DNAH17: variants seen among roughly 807,000 people sequenced by gnomAD.
DNAH17 encodes the protein axonemal beta dynein heavy chain 17.
DNAH17 carries 376 observed loss-of-function variants against 485.6 expected under a neutral mutation model. The ratio of observed to expected loss-of-function variants is 0.77; its 90% confidence interval spans 0.71 to 0.84. The LOEUF is 0.84. Ranked by LOEUF, DNAH17 falls within the 40% of genes least tolerant of loss-of-function variation. The pLI is 0.00. For synonymous variants in DNAH17, 3,031 were observed against 2,405.9 expected, an observed-to-expected ratio of 1.26 and a Z score of -7.60; for missense variants, 6,370 against 5,839.3, an observed-to-expected ratio of 1.09 and a Z score of -2.96.
Position 78,479,907 on chromosome 17 carries a change from A to G in DNAH17, c.7753-275T>C, listed in dbSNP as rs140264844. On this transcript the variant is annotated intron_variant, in intron 49 of 80. Coordinates refer to ENST00000389840, the MANE Select transcript of DNAH17 (RefSeq NM_173628.4). ...AGTACAGGCCTGGGTTTAAATCCAG[A>G]TCTCTGTGTGTTTAGATAACTTAGA... 5.8e-3 allele frequency among the ~76,000 whole-genome samples: 878 copies of G among 150,896 alleles called. 5 individuals carry two copies. Among genetic ancestry groups the G allele is most frequent in the African/African-American group, 0.02 (827 of 41,336 alleles).
At chr17:78,437,548 C>A in intron 74 of DNAH17, 93 bp downstream of exon 74, 1 of 931,446 alleles carries the variant, frequency 1.1e-6, no homozygotes, top group Non-Finnish European at 1.6e-6. Flanking sequence ...CCCCAGAGTT[C>A]AGAGCGGTCC....
chr17:78,509,123 C>A lies in DNAH17; in HGVS notation c.4236+1261G>T, dbSNP rs1310529134. 3.5e-5 allele frequency among the ~76,000 whole-genome samples: 3 copies of A among 85,734 alleles called. 1 individual carries two copies. Among genetic ancestry groups the A allele is most frequent in the African/African-American group, 1.6e-4 (3 of 18,822 alleles). 56.2% of individuals were successfully genotyped at this position (85,734 alleles called of 152,430 possible). ...CTGGGATTACAGGCATGCGCCACCA[C>A]GCCTGGCTAATTTTTGTATTTTTAG... On this transcript the variant is annotated intron_variant, in intron 27 of 80. Coordinates refer to ENST00000389840, the MANE Select transcript of DNAH17 (RefSeq NM_173628.4).
chr17:78,467,149 C>T (rs2088509381), intron 55 of DNAH17, among the ~76,000 whole-genome samples: 1 of 152,232 alleles, frequency 6.6e-6, no homozygotes, highest in South Asian at 2.1e-4. Flanking sequence ...CTCCCAAGCC[C>T]TTCGGTTCAG....
chr17:78,479,053 T>G lies in DNAH17; in HGVS notation c.7964A>C (p.Asn2655Thr). The G allele has an allele frequency of 6.2e-7, 1 of 1,613,984 alleles. No homozygotes were observed. Among genetic ancestry groups the G allele is most frequent in the South Asian group, 1.1e-5 (1 of 91,074 alleles). ...GAAAATATTGGAGAGGTCCCTGAGG[T>G]TGAAGACATAATGAAACTTAATGGC... ...PTAIKFHYVF[N>T]LRDLSNIFQG... is the part of the protein sequence containing the mutation. Residue 2655 changes from asparagine to threonine, a missense_variant, in exon 51 of 81, where the codon AAC (asparagine) becomes ACC (threonine). Asn to Thr is a moderately conservative substitution (Grantham distance 65). Coordinates refer to ENST00000389840, the MANE Select transcript of DNAH17 (RefSeq NM_173628.4).
intron 54 of DNAH17, 54 bp from the exon 55 acceptor site, chr17:78,468,937 A>G (rs1181040021): frequency 6.4e-7 from 1 of 1,568,586 alleles, no homozygotes; most frequent in Non-Finnish European, 8.6e-7. Context: ...GCTCAATTAG[A>G]GACATCCTCC....
rs73387108 is a variant in DNAH17 at position 78,485,366 on chromosome 17, A to T, written c.7483+184T>A. Among the ~76,000 whole-genome samples, 1,461 of 152,156 alleles carry T rather than the reference A, an allele frequency of 9.6e-3. 24 individuals are homozygous for T. The highest frequency in any genetic ancestry group is 0.033 in the African/African-American group (1,381 of 41,468). On this transcript the variant is annotated intron_variant, in intron 47 of 80. Coordinates refer to ENST00000389840, the MANE Select transcript of DNAH17 (RefSeq NM_173628.4). ...ATGCCCACAAGGGAGCACCAGAAAG[A>T]GGGGTCCCGGCTGCTCCTCCTCTGT...
At chr17:78,428,071 A>C (rs2086540200) in intron 77 of DNAH17, among the ~76,000 whole-genome samples, 1 of 148,332 alleles carries the variant, frequency 6.7e-6, no homozygotes, top group Admixed American at 6.7e-5. Context: ...GAACTCTTCT[A>C]ATCCTTTGAG....
rs547817938 is a variant in DNAH17 at position 78,570,537 on chromosome 17, A to G, written c.919-165T>C. 8.5e-5 allele frequency among the ~76,000 whole-genome samples: 13 copies of G among 152,212 alleles called. No individual in the cohort carries two copies. In the East Asian group the frequency reaches 2.5e-3, roughly 29 times the overall value. On this transcript the variant is annotated intron_variant, in intron 6 of 80. Coordinates refer to ENST00000389840, the MANE Select transcript of DNAH17 (RefSeq NM_173628.4). ...AGGCCCACACATCTGATGGCAGCCA[A>G]GAAACCCACGGCCCCACATGCCTTG...
At chr17:78,524,318 C>T (rs1198168228) in intron 25 of DNAH17, among the ~76,000 whole-genome samples, 4 of 152,048 alleles carry the variant, frequency 2.6e-5, no homozygotes, top group East Asian at 1.9e-4. Flanking sequence ...TCGTATTTTT[C>T]GTAGAGACGG....
intron 54 of DNAH17, among the ~76,000 whole-genome samples, chr17:78,474,193 C>G (rs62073523): frequency 3.3e-5 from 5 of 152,218 alleles, no homozygotes; most frequent in African/African-American, 1.2e-4. Context: ...AGCCCAGCGA[C>G]TGTCTGAGGG....
intron 54 of DNAH17, among the ~76,000 whole-genome samples, chr17:78,474,659 G>A (rs891038021): frequency 6.8e-6 from 1 of 147,258 alleles, no homozygotes; most frequent in African/African-American, 2.6e-5. Context: ...TCGAGTAGTT[G>A]ACAGACACAC....
rs1207391513 is a variant in DNAH17 at position 78,424,149 on chromosome 17, A to G, written c.13146T>C (p.Ala4382=). The G allele has an allele frequency of 6.2e-7, 1 of 1,610,162 alleles. No individual in the cohort carries two copies. The highest frequency in any genetic ancestry group is 8.5e-7 in the Non-Finnish European group (1 of 1,178,522). ...SYVYGLFMEG[A]RWDTQTGVIA... ...TGACTCCAGTCTGGGTGTCCCAGCG[A>G]GCCCCTGCAGGGACAGTATGGCTGA... The change falls in exon 81 of 81, where the codon GCT becomes GCC. Residue 4382 remains alanine, a synonymous_variant. Transcript: ENST00000389840.
intron 56 of DNAH17, among the ~76,000 whole-genome samples, chr17:78,466,227 A>C (rs914638337): frequency 7.2e-5 from 11 of 152,294 alleles, no homozygotes; most frequent in African/African-American, 2.2e-4. Flanking sequence ...AGATGCTTGA[A>C]GGCAGCATGC....
At chr17:78,487,123 G>A (rs2089646306) in intron 44 of DNAH17, among the ~76,000 whole-genome samples, 1 of 152,222 alleles carries the variant, frequency 6.6e-6, no homozygotes, top group Non-Finnish European at 1.5e-5. Flanking sequence ...TCTCTGGGTG[G>A]CTCGTGTGGA....
chr17:78,525,664 C>T (rs527484694), intron 24 of DNAH17, among the ~76,000 whole-genome samples: 3 of 152,300 alleles, frequency 2.0e-5, no homozygotes, highest in South Asian at 4.1e-4. Context: ...AAGGTGGGCT[C>T]GGAGCGTGTG....
At chr17:78,462,063 C>CTGGG (rs1410385820) in intron 57 of DNAH17, among the ~76,000 whole-genome samples, 2 of 151,946 alleles carry the variant, frequency 1.3e-5, no homozygotes, top group Admixed American at 6.6e-5. Context: ...TCCCAGCTAC[C>CTGGG]TGGGAGGCTG....
chr17:78,565,626 G>T (rs980265031), intron 11 of DNAH17, among the ~76,000 whole-genome samples: 1 of 152,168 alleles, frequency 6.6e-6, no homozygotes, highest in African/African-American at 2.4e-5. Context: ...GAACTCATGG[G>T]CCTGGGAAAC....
In DNAH17 at chr17:78,437,735, G is replaced by A. The variant is rs761206613; in HGVS notation, c.11939C>T (p.Pro3980Leu). The A allele has an allele frequency of 1.2e-6, 2 of 1,612,602 alleles. No homozygotes were observed. The highest frequency in any genetic ancestry group is 1.7e-5 in the Admixed American group (1 of 59,990). ...PAPSPETHIIPQGILENAIKI... is the reference protein window; with the variant it reads ...PAPSPETHIILQGILENAIKI... ...GATGGCGTTCTCCAGAATGCCCTGGGGGATGATGTGGGTCTCGGGGCTGGG... is the reference window on the plus strand; with the variant it reads ...GATGGCGTTCTCCAGAATGCCCTGGAGGATGATGTGGGTCTCGGGGCTGGG... The change falls in exon 74 of 81, where the codon CCC (proline) becomes CTC (leucine). Residue 3980 changes from proline to leucine, a missense_variant. Physicochemically the swap from Pro to Leu is moderately conservative, Grantham distance 98. Transcript: ENST00000389840.
rs530979637 is a variant in DNAH17, at chr17:78,501,906, C to T, written c.5191-33G>A. The T allele has an allele frequency of 1.6e-5, 26 of 1,612,422 alleles. No homozygotes were observed. In the East Asian group the frequency reaches 2.0e-4, roughly 12 times the overall value. ...GGAGAGTGCCTTCGATGAGACACCA[C>T]GGGTGCCCACATGCACTGGGGGGTC... On this transcript the variant is annotated intron_variant, in intron 33 of 80. Coordinates refer to ENST00000389840, the MANE Select transcript of DNAH17 (RefSeq NM_173628.4).
Sources: gnomAD v4.1 joint callset for allele counts (sites outside exome capture counted in the v4.1 genomes callset) on GRCh38, gnomAD v4.1.1 for gene constraint, MANE v1.5 for transcripts, NCBI Gene and HGNC (gene_info 2026-07-23, HGNC 2026-07-21) for gene names.